LYPD6B: variants seen among roughly 807,000 people sequenced by gnomAD.
The protein encoded by LYPD6B is LY6/PLAUR domain containing 6B, also known as ly6/PLAUR domain-containing protein 6B.
Under a neutral mutation model 22.8 loss-of-function variants are expected in LYPD6B, and 17 were observed. The ratio of observed to expected loss-of-function variants is 0.75; its 90% CI spans 0.51 to 1.12. The LOEUF is 1.12. Among genes scored for constraint, LYPD6B ranks in the 50% most tolerant of loss-of-function variants. The pLI is 0.00. For missense variants in LYPD6B, 221 were observed against 258.3 expected, an observed-to-expected ratio of 0.86 and a Z score of 0.99; for synonymous variants, 106 against 91.6, an observed-to-expected ratio of 1.16 and a Z score of -0.90.
chr2:149,061,856 ATAGT>A (rs1161414949), intron 1 of LYPD6B, among the ~76,000 whole-genome samples: 5 of 152,206 alleles, frequency 3.3e-5, no homozygotes, highest in Non-Finnish European at 7.3e-5. Flanking sequence ...TCTTATAATG[ATAGT>A]TATTTATTAG....
rs1575177438 is a variant in LYPD6B at position 149,205,099 on chromosome 2, C to A, written c.78-154C>A. 3 of 722,548 alleles carry A rather than the reference C, an allele frequency of 4.2e-6. No individual in the cohort carries two copies. In the East Asian group the frequency reaches 8.3e-5, roughly 20 times the overall value. The allele number at this position is 722,548 out of a possible 1,614,324, so 44.8% of individuals were successfully genotyped here. On this transcript the variant is annotated intron_variant, in intron 3 of 6. Transcript: ENST00000409642. ...GGTCATTACTTACCTTTCATTTGAT[C>A]AAAAACAATGCAATTTACTCGCAGG...
chr2:149,062,494 A>G (rs149573303), intron 1 of LYPD6B, among the ~76,000 whole-genome samples: 2 of 152,242 alleles, frequency 1.3e-5, no homozygotes, highest in East Asian at 3.9e-4. Flanking sequence ...CTCCAGAGGA[A>G]CCTCTCTCAG....
chr2:149,083,524 A>T (rs1311627740), intron 1 of LYPD6B, among the ~76,000 whole-genome samples: 2 of 152,178 alleles, frequency 1.3e-5, no homozygotes, highest in Non-Finnish European at 2.9e-5. Flanking sequence ...CTTTTTGAAG[A>T]GTCTAGCCTA....
intron 1 of LYPD6B, among the ~76,000 whole-genome samples, chr2:149,081,269 CT>C (rs1328965711): frequency 6.6e-6 from 1 of 152,196 alleles, no homozygotes; most frequent in East Asian, 1.9e-4. Flanking sequence ...TCTAATTTCA[CT>C]TTACATACAG....
At chr2:149,187,871 G>A (rs1011595340) in intron 3 of LYPD6B, among the ~76,000 whole-genome samples, 1 of 152,240 alleles carries the variant, frequency 6.6e-6, no homozygotes, top group East Asian at 1.9e-4. Context: ...GCCTTAGAGG[G>A]TATAAATTGG....
At chr2:149,106,617 G>A (rs773180328) in intron 1 of LYPD6B, among the ~76,000 whole-genome samples, 7 of 152,076 alleles carry the variant, frequency 4.6e-5, no homozygotes, top group Non-Finnish European at 8.8e-5. Context: ...AATATGTTAT[G>A]TTGTCAACTG....
At chr2:149,132,094 A>G (rs1688067315) in intron 2 of LYPD6B, among the ~76,000 whole-genome samples, 1 of 152,022 alleles carries the variant, frequency 6.6e-6, no homozygotes, top group Admixed American at 6.6e-5. Flanking sequence ...AAACACTCAT[A>G]GGCAAGTCAG....
At chr2:149,118,780 T>C (rs1210868243) in intron 1 of LYPD6B, among the ~76,000 whole-genome samples, 2 of 152,208 alleles carry the variant, frequency 1.3e-5, no homozygotes, top group Admixed American at 1.3e-4. Flanking sequence ...GATCATGTAG[T>C]GAATGGTTGG....
chr2:149,046,515 G>A (rs998228302), intron 1 of LYPD6B, among the ~76,000 whole-genome samples: 1 of 150,546 alleles, frequency 6.6e-6, no homozygotes, highest in African/African-American at 2.4e-5. Context: ...TGTTGTTGTT[G>A]TTTATTTTGT....
At chr2:149,104,996 A>G (rs774213415) in intron 1 of LYPD6B, among the ~76,000 whole-genome samples, 30 of 152,222 alleles carry the variant, frequency 2.0e-4, no homozygotes, top group Non-Finnish European at 4.0e-4. Context: ...TGTAAAGATC[A>G]AATTGGGATA....
chr2:149,152,517 A>G (rs1341846593), intron 2 of LYPD6B, among the ~76,000 whole-genome samples: 1 of 152,202 alleles, frequency 6.6e-6, no homozygotes, highest in Non-Finnish European at 1.5e-5. Context: ...GGTTGCTAAG[A>G]ACTGGGAAGT....
chr2:149,162,859 T>C (rs1690168832), intron 3 of LYPD6B, among the ~76,000 whole-genome samples: 1 of 152,156 alleles, frequency 6.6e-6, no homozygotes, highest in African/African-American at 2.4e-5. Context: ...TAAATGTGTA[T>C]GGTTAGAGAG....
At chr2:149,160,883 C>G in intron 3 of LYPD6B, 48 bp downstream of exon 3, 1 of 1,382,396 alleles carries the variant, frequency 7.2e-7, no homozygotes, top group South Asian at 1.2e-5. Flanking sequence ...CATTTGGGAG[C>G]TCTGGTTAAG....
chr2:149,156,967 A>G (rs894865499), intron 2 of LYPD6B, among the ~76,000 whole-genome samples: 1 of 152,206 alleles, frequency 6.6e-6, no homozygotes, highest in African/African-American at 2.4e-5. Context: ...AAAGGCCTGA[A>G]TTAACTTAAT....
chr2:149,079,644 A>G (rs941128822), intron 1 of LYPD6B, among the ~76,000 whole-genome samples: 1 of 152,072 alleles, frequency 6.6e-6, no homozygotes, highest in Non-Finnish European at 1.5e-5. Context: ...TTCAGTAACT[A>G]CATTCTTTTT....
chr2:149,103,654 A>G lies in LYPD6B; in HGVS notation c.-66-27229A>G, dbSNP rs1034979912. Reference sequence around the variant, plus strand: ...CCTTGGAAATCTCTACCTCCCACCCATCTCTGCCTGCCCTGTTGCCCAGGC... The same window carrying G: ...CCTTGGAAATCTCTACCTCCCACCCGTCTCTGCCTGCCCTGTTGCCCAGGC... On this transcript the variant is annotated intron_variant, in intron 1 of 6. Coordinates refer to ENST00000409642, the MANE Select transcript of LYPD6B (RefSeq NM_177964.5). Among the ~76,000 whole-genome samples the G allele has an allele frequency of 2.6e-4, 39 of 150,986 alleles. 1 individual carries two copies. The highest frequency in any genetic ancestry group is 8.8e-5 in the Non-Finnish European group (6 of 67,860).
At chr2:149,148,618 CGT>C (rs1221421618) in intron 2 of LYPD6B, among the ~76,000 whole-genome samples, 1 of 152,150 alleles carries the variant, frequency 6.6e-6, no homozygotes, top group Non-Finnish European at 1.5e-5. Context: ...GGTGTTATCA[CGT>C]AAGTCAGAAA....
intron 3 of LYPD6B, among the ~76,000 whole-genome samples, chr2:149,190,517 C>A (rs980602216): frequency 6.6e-6 from 1 of 152,086 alleles, no homozygotes; most frequent in Non-Finnish European, 1.5e-5. Flanking sequence ...GGTTTGTATT[C>A]CCCCAAGCAA....
intron 1 of LYPD6B, among the ~76,000 whole-genome samples, chr2:149,074,296 G>A (rs966916879): frequency 1.3e-5 from 2 of 151,824 alleles, no homozygotes. Flanking sequence ...ACACGCACAT[G>A]TGCTCTCTCA....
Sources: gnomAD v4.1 joint callset for allele counts (sites outside exome capture counted in the v4.1 genomes callset) on GRCh38, gnomAD v4.1.1 for gene constraint, MANE v1.5 for transcripts, NCBI Gene and HGNC (gene_info 2026-07-23, HGNC 2026-07-21) for gene names.